Variants in AGBL1 observed in about 807,000 individuals in gnomAD.
The protein encoded by AGBL1 is AGBL carboxypeptidase 1.
Under a neutral mutation model 118.9 loss-of-function variants are expected in AGBL1, and 130 were observed. That is an observed-to-expected ratio of 1.09 (90% confidence interval 0.95 to 1.26). The LOEUF (loss-of-function observed/expected upper bound fraction) is 1.26, where lower values mean the gene tolerates loss of function less well. AGBL1 is among the 50% of genes most tolerant of loss of function. AGBL1 has a pLI of 0.00. For synonymous variants in AGBL1, 555 were observed against 478.9 expected (o/e 1.16, Z -2.08); for missense variants, 1,584 against 1,298.1 (o/e 1.22, Z -3.38).
At chr15:86,165,928 C>T (rs1234191342) in intron 5 of AGBL1, among the ~76,000 whole-genome samples, 2 of 152,178 alleles carry the variant, frequency 1.3e-5, no homozygotes, top group Non-Finnish European at 2.9e-5. Context: ...TAGTTTCTTA[C>T]ATGAATTAAG....
At position 86,813,774 on chromosome 15, in the gene AGBL1, T is replaced by G. The variant is rs905219623; in HGVS notation, c.3159-93313T>G. On this transcript the variant is annotated intron_variant, in intron 22 of 22. Transcript: ENST00000614907. Reference sequence around the variant, plus strand: ...TCAGAGGATTCAGGGCTATTCAAACTACATAGCATTCAAGAATGAGCTCCA... The same window carrying G: ...TCAGAGGATTCAGGGCTATTCAAACGACATAGCATTCAAGAATGAGCTCCA... 1.1e-4 allele frequency among the ~76,000 whole-genome samples: 17 copies of G among 152,308 alleles called. No individual in the cohort carries two copies. In the South Asian group the frequency reaches 1.9e-3, roughly 17 times the overall value.
intron 22 of AGBL1, among the ~76,000 whole-genome samples, chr15:86,696,146 C>T (rs2086253624): frequency 6.6e-6 from 1 of 151,846 alleles, no homozygotes; most frequent in African/African-American, 2.4e-5. Context: ...TGTTGACTTT[C>T]TGTTTTGACC....
chr15:86,471,134 C>G (rs1261888178), intron 18 of AGBL1, among the ~76,000 whole-genome samples: 1 of 152,044 alleles, frequency 6.6e-6, no homozygotes, highest in African/African-American at 2.4e-5. Flanking sequence ...ACTTTTTTAC[C>G]ACTGAATATA....
chr15:86,224,909 C>T lies in AGBL1; in HGVS notation c.489-5C>T, dbSNP rs1048586474. On this transcript the variant is annotated splice_region_variant and splice_polypyrimidine_tract_variant and intron_variant, in intron 5 of 22. Coordinates refer to ENST00000614907, the MANE Select transcript of AGBL1 (RefSeq NM_001386094.1). ...TGACTGTTACTTTTCTTTCTCTTTC[C>T]CCAGGGCAGCCACTGAAGTTTTGGC... 4 of 1,613,186 alleles carry T rather than the reference C, an allele frequency of 2.5e-6. No homozygotes were observed. The highest frequency in any genetic ancestry group is 2.2e-5 in the East Asian group (1 of 44,856).
rs904065736 is a variant in AGBL1, at chr15:86,469,692, C to A, written c.2556-53118C>A. On this transcript the variant is annotated intron_variant, in intron 18 of 22. Transcript: ENST00000614907. ...GATGCCGGTACCAATTTGCTTGCCA[C>A]CAACAGTATACAAAGGGTATTTTTC... Among the ~76,000 whole-genome samples the A allele has an allele frequency of 3.3e-5, 5 of 152,198 alleles. No homozygotes were observed. The South Asian group carries it at 1.0e-3, about 32-fold the overall frequency.
chr15:86,583,420 T>C (rs2142336250), intron 21 of AGBL1, among the ~76,000 whole-genome samples: 1 of 152,278 alleles, frequency 6.6e-6, no homozygotes, highest in East Asian at 1.9e-4. Context: ...CACTTATAAG[T>C]GAGAACATGC....
At chr15:86,508,343 C>A (rs1199953485) in intron 18 of AGBL1, among the ~76,000 whole-genome samples, 3 of 151,840 alleles carry the variant, frequency 2.0e-5, no homozygotes, top group African/African-American at 7.3e-5. Context: ...TGTAACAAAA[C>A]AGTACAAAGT....
chr15:86,414,147 G>T (rs184143159), intron 18 of AGBL1, among the ~76,000 whole-genome samples: 87 of 152,206 alleles, frequency 5.7e-4, no homozygotes, highest in Middle Eastern at 3.4e-3. Flanking sequence ...CATAGAGTAT[G>T]GAATGAAAGA....
chr15:86,433,266 C>CTTTTTTTTTTT (rs59417397), intron 18 of AGBL1, among the ~76,000 whole-genome samples: 1,434 of 74,822 alleles, frequency 0.019, 336 homozygotes, highest in Non-Finnish European at 0.022. Flanking sequence ...CCTCCTTCTT[C>CTTTTTTTTTTT]TTTTTTTTTT....
chr15:86,804,971 A>G (rs1335455204), intron 22 of AGBL1, among the ~76,000 whole-genome samples: 2 of 152,116 alleles, frequency 1.3e-5, no homozygotes, highest in African/African-American at 4.8e-5. Flanking sequence ...TGCTGTTTAG[A>G]CAGAGCCATC....
intron 17 of AGBL1, among the ~76,000 whole-genome samples, chr15:86,302,543 G>T (rs368317404): frequency 6.6e-6 from 1 of 152,098 alleles, no homozygotes; most frequent in East Asian, 1.9e-4. Flanking sequence ...TTGGGAGGCC[G>T]AGGTGGGTGG....
At chr15:86,198,289 A>C (rs765441895) in intron 5 of AGBL1, among the ~76,000 whole-genome samples, 1 of 152,172 alleles carries the variant, frequency 6.6e-6, no homozygotes, top group East Asian at 1.9e-4. Flanking sequence ...GCTCACAGCT[A>C]TGGAGAAATT....
rs1167386990 is a variant in AGBL1, at chr15:86,940,535, A to G, written c.3222-47452A>G. Among the ~76,000 whole-genome samples the G allele has an allele frequency of 2.5e-4, 38 of 152,174 alleles. 1 individual carries two copies. Among genetic ancestry groups the G allele is most frequent in the Non-Finnish European group, 2.9e-5 (2 of 68,030 alleles). Reference sequence around the variant, plus strand: ...TGGTCCCTACCTTCAGGGAACTTATAAGAGTGTTGAATAAAAATTATAGAA... The same window carrying G: ...TGGTCCCTACCTTCAGGGAACTTATGAGAGTGTTGAATAAAAATTATAGAA... On this transcript the variant is annotated intron_variant, in intron 23 of 24. Transcript: ENST00000441037.
At chr15:86,266,702 A>T (rs1436851951) in intron 12 of AGBL1, among the ~76,000 whole-genome samples, 1 of 152,170 alleles carries the variant, frequency 6.6e-6, no homozygotes, top group African/African-American at 2.4e-5. Context: ...GGAGATGGAG[A>T]CCATTCTGGC....
chr15:86,772,784 T>TA (rs2141291397), intron 22 of AGBL1, among the ~76,000 whole-genome samples: 1 of 152,220 alleles, frequency 6.6e-6, no homozygotes, highest in South Asian at 2.1e-4. Flanking sequence ...TAGCTGCTGA[T>TA]ACGTACAATA....
At chr15:86,532,390 A>T (rs1264049484) in intron 19 of AGBL1, among the ~76,000 whole-genome samples, 10 of 145,706 alleles carry the variant, frequency 6.9e-5, no homozygotes, top group Non-Finnish European at 6.0e-5. Context: ...ATACCTAGGA[A>T]TCCAACTTAC....
intron 21 of AGBL1, among the ~76,000 whole-genome samples, chr15:86,581,894 A>T (rs907249421): frequency 6.6e-6 from 1 of 152,212 alleles, no homozygotes; most frequent in Non-Finnish European, 1.5e-5. Flanking sequence ...ACTTTTGATT[A>T]TGAGGATCTT....
intron 18 of AGBL1, among the ~76,000 whole-genome samples, chr15:86,491,031 C>A (rs2346312): frequency 0.19 from 29,311 of 152,014 alleles, 5,392 homozygotes; most frequent in African/African-American, 0.49. Context: ...TGTGGTTATA[C>A]AAAAATATAT....
intron 20 of AGBL1, among the ~76,000 whole-genome samples, chr15:86,550,712 G>A (rs887498772): frequency 6.6e-6 from 1 of 151,958 alleles, no homozygotes; most frequent in Non-Finnish European, 1.5e-5. Context: ...TAACCAAAAA[G>A]AAAATTAGTA....
Sources: gnomAD v4.1 joint callset for allele counts (sites outside exome capture counted in the v4.1 genomes callset) on GRCh38, gnomAD v4.1.1 for gene constraint, MANE v1.5 for transcripts, NCBI Gene and HGNC (gene_info 2026-07-23, HGNC 2026-07-21) for gene names.